ATRX: variants seen among roughly 807,000 people sequenced by gnomAD.
ATRX encodes the protein ATRX chromatin remodeler, also known as chromatin remodeler ATRX.
A neutral mutation model predicts 172.6 loss-of-function variants in ATRX; 12 were observed. The ratio of observed to expected loss-of-function variants is 0.07; its 90% CI spans 0.04 to 0.11. ATRX has a LOEUF of 0.11. Among genes scored for constraint, ATRX ranks in the 10% least tolerant of loss-of-function variants. The probability of loss-of-function intolerance (pLI) is 1.00; values close to 1 mark genes in which losing one functional copy is unlikely to be tolerated. For synonymous variants in ATRX, 674 were observed against 594.7 expected (o/e 1.13, Z -1.94); for missense variants, 1,368 against 1,767.4 (o/e 0.77, Z 4.05).
intron 30 of ATRX, among the ~76,000 whole-genome samples, chrX:77,544,664 G>A (rs782774038): frequency 2.4e-4 from 26 of 106,355 alleles, no homozygotes; most frequent in Admixed American, 5.2e-4. Flanking sequence ...GAGAATATGC[G>A]GTGTCTGGTT....
At chrX:77,703,247 C>T (rs1317506628) in intron 2 of ATRX, among the ~76,000 whole-genome samples, 1 of 112,753 alleles carries the variant, frequency 8.9e-6, no homozygotes, top group African/African-American at 3.2e-5. Context: ...GGGCTTGTCC[C>T]GCCTATTTGG....
At chrX:77,755,785 C>T (rs2075469786) in intron 1 of ATRX, among the ~76,000 whole-genome samples, 1 of 111,745 alleles carries the variant, frequency 8.9e-6, no homozygotes, top group Admixed American at 9.5e-5. Context: ...GCTGGGAGGT[C>T]TCTCCCAGTC....
intron 15 of ATRX, among the ~76,000 whole-genome samples, chrX:77,639,913 C>A (rs1557110314): frequency 8.9e-6 from 1 of 112,170 alleles, no homozygotes; most frequent in East Asian, 2.8e-4. Context: ...TTCACAATAG[C>A]AAAGACATGT....
At chrX:77,610,822 C>A (rs1410007925) in intron 22 of ATRX, among the ~76,000 whole-genome samples, 3 of 108,263 alleles carry the variant, frequency 2.8e-5, no homozygotes, top group African/African-American at 1.0e-4. Context: ...TATAAACTAT[C>A]CCCAAAAGTT....
At chrX:77,660,390 C>G (rs1026949000) in intron 12 of ATRX, among the ~76,000 whole-genome samples, 1 of 109,364 alleles carries the variant, frequency 9.1e-6, no homozygotes, top group Non-Finnish European at 1.9e-5. Flanking sequence ...ACGGTGAAAC[C>G]CTGTTTCTAC....
At chrX:77,750,407 G>A (rs1196099363) in intron 1 of ATRX, among the ~76,000 whole-genome samples, 1 of 111,325 alleles carries the variant, frequency 9.0e-6, no homozygotes, top group African/African-American at 3.3e-5. Context: ...CACCACCTTT[G>A]AAAACAGAGT....
At chrX:77,526,712 T>G (rs1271438617) in intron 30 of ATRX, among the ~76,000 whole-genome samples, 1 of 112,700 alleles carries the variant, frequency 8.9e-6, no homozygotes, top group Non-Finnish European at 1.9e-5. Context: ...AAAGGCCAGT[T>G]CAGGCTTATA....
intron 27 of ATRX, among the ~76,000 whole-genome samples, chrX:77,585,923 G>A (rs1365075413): frequency 9.0e-6 from 1 of 110,933 alleles, no homozygotes; most frequent in Admixed American, 9.7e-5. Context: ...TTTATTTGTG[G>A]GATCTAAAAA....
At chrX:77,724,750 T>C (rs180891006) in intron 1 of ATRX, among the ~76,000 whole-genome samples, 249 of 111,890 alleles carry the variant, frequency 2.2e-3, no homozygotes, top group African/African-American at 7.8e-3. Context: ...ACACCACTGT[T>C]ATGTATATGG....
At chrX:77,560,939 TCTGG>T (rs1313665852) in intron 28 of ATRX, among the ~76,000 whole-genome samples, 3 of 111,663 alleles carry the variant, frequency 2.7e-5, no homozygotes, top group Non-Finnish European at 5.7e-5. Flanking sequence ...TAAATTACAC[TCTGG>T]CTATGTTACC....
intron 22 of ATRX, among the ~76,000 whole-genome samples, chrX:77,614,056 ATAT>A (rs2067260703): frequency 8.9e-6 from 1 of 112,082 alleles, no homozygotes; most frequent in African/African-American, 3.2e-5. Context: ...CATTCTGCAA[ATAT>A]TATAAATTAT....
chrX:77,622,834 C>T (rs996321140), intron 19 of ATRX, among the ~76,000 whole-genome samples: 2 of 110,299 alleles, frequency 1.8e-5, no homozygotes, highest in South Asian at 3.9e-4. Flanking sequence ...TTTCGGTTTG[C>T]GTGGGAGCTG....
rs782045424 is a variant in ATRX, at chrX:77,579,411, C to A, written c.6218-5053G>T. Among the ~76,000 whole-genome samples, 3 of 97,840 alleles carry A rather than the reference C, an allele frequency of 3.1e-5. No individual in the cohort carries two copies. The South Asian group carries it at 2.0e-3, about 65-fold the overall frequency. 85.0% of individuals were successfully genotyped at this position (97,840 alleles called of 115,157 possible). On this transcript the variant is annotated intron_variant, in intron 27 of 34. Transcript: ENST00000373344. ...GTGGTAGTCACAGGGGTGCTTGTGT[C>A]ACCCACCCCCCACCCCCAGCTCCAG...
intron 28 of ATRX, among the ~76,000 whole-genome samples, chrX:77,559,149 A>T (rs1179866710): frequency 9.0e-6 from 1 of 111,207 alleles, no homozygotes; most frequent in Non-Finnish European, 1.9e-5. Context: ...AATTTAGAGA[A>T]TTTATATGTA....
chrX:77,729,990 A>G (rs1009037840), intron 1 of ATRX, among the ~76,000 whole-genome samples: 2 of 112,122 alleles, frequency 1.8e-5, no homozygotes, highest in African/African-American at 6.5e-5. Flanking sequence ...GTTAATACCT[A>G]TAATTTCAGT....
rs1557141216 is a variant in ATRX, at chrX:77,683,647, C to G, written c.1609G>C (p.Glu537Gln). 8.3e-7 allele frequency: 1 copy of G among 1,211,287 alleles called. No homozygotes were observed. The highest frequency in any genetic ancestry group is 2.2e-5 in the Admixed American group (1 of 45,990). ...TGATGATCAACTGAACTCTGAACTTCCATAGCAGTCTCAAGATTCTCAAAA... is the reference window on the plus strand; with the variant it reads ...TGATGATCAACTGAACTCTGAACTTGCATAGCAGTCTCAAGATTCTCAAAA... ...DIFENLETAM[E>Q]VQSSVDHQGD... Residue 537 changes from glutamate (E) to glutamine (Q), a missense_variant, in exon 9 of 35, where the codon GAA (glutamate) becomes CAA (glutamine). By Grantham distance (29) the Glu-to-Gln change is conservative. Coordinates refer to ENST00000373344, the MANE Select transcript of ATRX (RefSeq NM_000489.6).
intron 34 of ATRX, among the ~76,000 whole-genome samples, chrX:77,513,901 C>T (rs1243095295): frequency 9.0e-6 from 1 of 111,138 alleles, no homozygotes; most frequent in African/African-American, 3.3e-5. Flanking sequence ...TAAACAAGTT[C>T]AGCAATATCT....
At chrX:77,629,307 T>C (rs1047112712) in intron 19 of ATRX, among the ~76,000 whole-genome samples, 1 of 112,544 alleles carries the variant, frequency 8.9e-6, no homozygotes, top group African/African-American at 3.2e-5. Flanking sequence ...AAACATGTAC[T>C]GGAAAATTAA....
At chrX:77,675,724 G>C (rs1191812436) in intron 10 of ATRX, 1 of 121,407 alleles carries the variant, frequency 8.2e-6, no homozygotes, top group African/African-American at 3.2e-5. Context: ...ACTCAGTCTA[G>C]ATACCTTGTA....
Sources: allele counts gnomAD v4.1 joint callset (sites outside exome capture counted in the v4.1 genomes callset), GRCh38; gene constraint gnomAD v4.1.1; transcripts MANE v1.5; gene names NCBI Gene and HGNC (gene_info 2026-07-23, HGNC 2026-07-21).